The following SHOC1 variants were observed in gnomAD, a reference collection of about 807,000 sequenced individuals.
The protein encoded by SHOC1 is protein shortage in chiasmata 1 ortholog.
A neutral mutation model predicts 179.2 loss-of-function variants in SHOC1; 136 were observed. That is an observed-to-expected ratio of 0.76 (90% CI 0.66 to 0.87). SHOC1 has a LOEUF of 0.87. SHOC1 is among the 40% of genes least tolerant of loss of function. The probability of loss-of-function intolerance (pLI) is 0.00; values close to 1 mark genes in which losing one functional copy is unlikely to be tolerated. For synonymous variants in SHOC1, 489 were observed against 586.6 expected (o/e 0.83, Z 2.41); for missense variants, 1,538 against 1,700.8 (o/e 0.90, Z 1.68).
intron 23 of SHOC1, 123 bp from the exon 24 acceptor site, chr9:111,700,170 G>T: frequency 1.9e-6 from 1 of 523,000 alleles, no homozygotes; most frequent in South Asian, 4.3e-5. Flanking sequence ...CAATACTAGT[G>T]TGGCAAATTT....
intron 8 of SHOC1, among the ~76,000 whole-genome samples, chr9:111,752,344 A>C (rs1834631964): frequency 6.6e-6 from 1 of 152,214 alleles, no homozygotes; most frequent in African/African-American, 2.4e-5. Flanking sequence ...TATGGGGCAG[A>C]TTGAAAGCAT....
chr9:111,694,131 T>C (rs1214408183), intron 25 of SHOC1, 100 bp downstream of exon 25: 2 of 1,278,082 alleles, frequency 1.6e-6, no homozygotes, highest in Non-Finnish European at 2.2e-6. Context: ...ACCACTCAAT[T>C]TGAGACATTT....
chr9:111,766,617 T>A (rs1382828883), intron 5 of SHOC1, among the ~76,000 whole-genome samples: 1 of 152,176 alleles, frequency 6.6e-6, no homozygotes, highest in Admixed American at 6.5e-5. Context: ...TGTTTTTGGT[T>A]TTTTTGTTTT....
At chr9:111,755,350 G>C (rs1391869840) in intron 8 of SHOC1, among the ~76,000 whole-genome samples, 1 of 152,160 alleles carries the variant, frequency 6.6e-6, no homozygotes, top group African/African-American at 2.4e-5. Flanking sequence ...AGGCAGAACA[G>C]TAATTCCCTG....
intron 12 of SHOC1, among the ~76,000 whole-genome samples, chr9:111,731,151 T>A (rs1458956364): frequency 2.0e-5 from 3 of 152,226 alleles, no homozygotes; most frequent in African/African-American, 7.2e-5. Flanking sequence ...TGTGGCTGGT[T>A]TGATCTATCT....
intron 10 of SHOC1, among the ~76,000 whole-genome samples, chr9:111,743,106 A>G (rs779564600): frequency 6.6e-6 from 1 of 152,210 alleles, no homozygotes; most frequent in African/African-American, 2.4e-5. Context: ...CACTAAAAAT[A>G]TTGTTAACTG....
chr9:111,773,154 A>G (rs938290464), intron 5 of SHOC1, among the ~76,000 whole-genome samples: 7 of 151,946 alleles, frequency 4.6e-5, no homozygotes, highest in Non-Finnish European at 8.8e-5. Context: ...GGCATTGTAT[A>G]TTTGTTTTTG....
At chr9:111,788,870 T>C (rs1430694867) in intron 2 of SHOC1, among the ~76,000 whole-genome samples, 1 of 151,846 alleles carries the variant, frequency 6.6e-6, no homozygotes, top group African/African-American at 2.4e-5. Flanking sequence ...GCCTTTACTT[T>C]CCAACTTTAT....
intron 10 of SHOC1, among the ~76,000 whole-genome samples, chr9:111,742,289 C>A (rs1834079476): frequency 6.6e-6 from 1 of 152,138 alleles, no homozygotes; most frequent in South Asian, 2.1e-4. Flanking sequence ...ATAGCAACCT[C>A]AACAAAAATT....
intron 12 of SHOC1, among the ~76,000 whole-genome samples, chr9:111,733,772 G>A (rs1474736734): frequency 6.6e-6 from 1 of 152,018 alleles, no homozygotes; most frequent in Non-Finnish European, 1.5e-5. Context: ...AGAGGCTGAG[G>A]CAGGAGAATT....
At chr9:111,754,543 G>C (rs777321179) in intron 8 of SHOC1, among the ~76,000 whole-genome samples, 2 of 152,178 alleles carry the variant, frequency 1.3e-5, no homozygotes, top group Non-Finnish European at 2.9e-5. Context: ...TTGGAAAACA[G>C]TCTGGCAATT....
chr9:111,750,812 T>G (rs1342088573), intron 8 of SHOC1, among the ~76,000 whole-genome samples: 2 of 152,256 alleles, frequency 1.3e-5, no homozygotes, highest in South Asian at 2.1e-4. Flanking sequence ...ACTCTGATGA[T>G]AGTTTCTTTT....
chr9:111,742,902 C>T (rs995395966), intron 10 of SHOC1, among the ~76,000 whole-genome samples: 8 of 152,218 alleles, frequency 5.3e-5, no homozygotes, highest in African/African-American at 1.7e-4. Context: ...TTATATTTAG[C>T]AGGCCATGTC....
Position 111,703,901 on chromosome 9 carries a change from G to A in SHOC1, c.2947C>T (p.His983Tyr). 3 of 1,599,274 alleles carry A rather than the reference G, an allele frequency of 1.9e-6. No homozygotes were observed. The highest frequency in any genetic ancestry group is 2.6e-6 in the Non-Finnish European group (3 of 1,170,104). Residue 983 changes from histidine to tyrosine, a missense_variant, in exon 22 of 28, where the codon CAC becomes TAC. His to Tyr is a moderately conservative substitution (Grantham distance 83). Coordinates refer to ENST00000682961, the MANE Select transcript of SHOC1 (RefSeq NM_001378211.1). ...ECYVVVTIDE[H>Y]TAIILQDLEE... ...TTTACCTGCAAAATTATGGCAGTGT[G>A]TTCATCAATTGTCACCACTACATAA...
chr9:111,749,517 T>C (rs1457276328), intron 8 of SHOC1, among the ~76,000 whole-genome samples: 3 of 152,156 alleles, frequency 2.0e-5, no homozygotes, highest in African/African-American at 7.2e-5. Flanking sequence ...AAGTTATACA[T>C]GTTATCAACT....
At chr9:111,774,704 A>C (rs183306732) in intron 5 of SHOC1, among the ~76,000 whole-genome samples, 256 of 152,130 alleles carry the variant, frequency 1.7e-3, no homozygotes, top group East Asian at 2.9e-3. Flanking sequence ...CTCTCTATAT[A>C]TATATCATCA....
chr9:111,711,691 T>C (rs1272999461), intron 18 of SHOC1, among the ~76,000 whole-genome samples: 1 of 151,990 alleles, frequency 6.6e-6, no homozygotes, highest in African/African-American at 2.4e-5. Flanking sequence ...AAAGGATGGG[T>C]AATATAGTAG....
chr9:111,707,787 A>G, intron 19 of SHOC1, 68 bp downstream of exon 19: 1 of 1,010,606 alleles, frequency 9.9e-7, no homozygotes, highest in East Asian at 2.5e-5. Context: ...GTTAACTTCT[A>G]GGAAGATTTT....
chr9:111,760,362 A>C (rs1835082059), intron 5 of SHOC1, among the ~76,000 whole-genome samples: 1 of 152,136 alleles, frequency 6.6e-6, no homozygotes, highest in Admixed American at 6.6e-5. Flanking sequence ...TGGAGTTCTT[A>C]TTTTACTACA....
Sources: allele counts gnomAD v4.1 joint callset (sites outside exome capture counted in the v4.1 genomes callset), GRCh38; gene constraint gnomAD v4.1.1; transcripts MANE v1.5; gene names NCBI Gene and HGNC (gene_info 2026-07-23, HGNC 2026-07-21).